Variants in UPK3B observed in about 807,000 individuals in gnomAD.
The protein encoded by UPK3B is uroplakin 3B.
UPK3B carries 21 observed loss-of-function variants against 27.6 expected under a neutral mutation model. The observed-to-expected ratio is 0.76, with a 90% CI of 0.54 to 1.10. The LOEUF is 1.10. Among genes scored for constraint, UPK3B ranks in the 50% least tolerant of loss-of-function variants. The pLI is 0.00. For synonymous variants in UPK3B, 141 were observed against 162.3 expected, an observed-to-expected ratio of 0.87 and a Z score of 1.00; for missense variants, 306 against 376.1, an observed-to-expected ratio of 0.81 and a Z score of 1.54.
Position 76,510,763 on chromosome 7 carries a change from G to A in UPK3B, c.85+26G>A, listed in dbSNP as rs190819560. On this transcript the variant is annotated intron_variant, in intron 1 of 5. Transcript: ENST00000334348. ...GTGAGTGGGGGTCCTGGATGGACGC[G>A]TCCAGCCAGACCCAAGGGGCTGGGG... 6.8e-4 allele frequency: 1,063 copies of A among 1,558,012 alleles called. 15 individuals carry two copies. In the East Asian group the frequency reaches 0.019, roughly 28 times the overall value.
intron 5 of UPK3B, among the ~76,000 whole-genome samples, chr7:76,514,731 C>G (rs1231796879): frequency 3.3e-5 from 5 of 152,002 alleles, no homozygotes; most frequent in Non-Finnish European, 7.4e-5. Context: ...CATGGTGAAA[C>G]CCCATCTCCA....
In UPK3B at chr7:76,515,563, G is replaced by A. The variant is rs758549941; in HGVS notation, c.*359G>A. Reference sequence around the variant, plus strand: ...CCCTGACCGCAAGCTTCCAGACCCTGGGAGGAGGCCTGCAGAGGACTGTGC... The same window carrying A: ...CCCTGACCGCAAGCTTCCAGACCCTAGGAGGAGGCCTGCAGAGGACTGTGC... On this transcript the variant is annotated 3_prime_UTR_variant, in exon 6 of 6. Transcript: ENST00000334348. 89 of 697,066 alleles carry A rather than the reference G, an allele frequency of 1.3e-4. 33 individuals are homozygous for A. Among genetic ancestry groups the A allele is most frequent in the Non-Finnish European group, 1.5e-4 (86 of 583,688 alleles). 43.2% of individuals were successfully genotyped at this position (697,066 alleles called of 1,614,324 possible). A position where few individuals can be genotyped will look rare whatever the true frequency, so the allele number is the denominator to read the frequency against.
rs114081792 is a variant in UPK3B, at chr7:76,515,253, T to C, written c.*49T>C. ...GGGGAGATGGGGCGCTGGGAGTGAG[T>C]GCATGGTGCTTTGTCCCAGCTCCTG... On this transcript the variant is annotated 3_prime_UTR_variant, in exon 6 of 6. Coordinates refer to ENST00000334348, the MANE Select transcript of UPK3B (RefSeq NM_001347684.2). The C allele has an allele frequency of 9.0e-4, 1,415 of 1,567,444 alleles. 17 individuals are homozygous for C. In the African/African-American group the frequency reaches 0.016, roughly 18 times the overall value.
chr7:76,515,343 G>T lies in UPK3B; in HGVS notation c.*139G>T. On this transcript the variant is annotated 3_prime_UTR_variant, in exon 6 of 6. Transcript: ENST00000334348. ...CACCAGCACACCCCGTACCCTGCCT[G>T]GAATCCCAGCACCAGCCCCCCTGCC... The T allele has an allele frequency of 6.7e-7, 1 of 1,500,898 alleles. No homozygotes were observed. The highest frequency in any genetic ancestry group is 8.9e-7 in the Non-Finnish European group (1 of 1,124,514). 93.0% of individuals were successfully genotyped at this position (1,500,898 alleles called of 1,614,324 possible).
intron 2 of UPK3B, among the ~76,000 whole-genome samples, chr7:76,511,350 C>T (rs1293464565): frequency 8.5e-5 from 13 of 152,228 alleles, no homozygotes; most frequent in African/African-American, 2.9e-4. Flanking sequence ...ACCGAGGCTG[C>T]GACCTGGGAG....
rs764421399 is a variant in UPK3B, at chr7:76,514,003, G to A, written c.598G>A (p.Val200Ile). The A allele has an allele frequency of 5.0e-6, 8 of 1,613,792 alleles. No homozygotes were observed. Among genetic ancestry groups the A allele is most frequent in the Admixed American group, 1.7e-5 (1 of 59,986 alleles). Residue 200 changes from valine to isoleucine, a missense_variant, in exon 5 of 6, where the codon GTC (valine) becomes ATC (isoleucine). Val to Ile is a conservative substitution (Grantham distance 29, BLOSUM62 3). Transcript: ENST00000334348. Reference sequence around the variant, plus strand: ...AGGGCGGCGAAGTGGCAGCATGATCGTCATTACCTCCATCCTCTCTTCTCT... The same window carrying A: ...AGGGCGGCGAAGTGGCAGCATGATCATCATTACCTCCATCCTCTCTTCTCT... The part of the protein sequence containing the change: ...WPGRRSGSMI[V>I]ITSILSSLAG...
chr7:76,512,854 T>C (rs1812581965), intron 3 of UPK3B, among the ~76,000 whole-genome samples: 2 of 151,882 alleles, frequency 1.3e-5, no homozygotes, highest in African/African-American at 2.4e-5. Context: ...GTCTGGTGTC[T>C]GGAGAGCAAT....
intron 5 of UPK3B, 133 bp from the exon 6 acceptor site, chr7:76,514,912 A>G (rs2004545): frequency 0.43 from 373,351 of 871,956 alleles, 33,716 homozygotes; most frequent in East Asian, 0.46. Flanking sequence ...TCTCAAAAAA[A>G]AAAAAAAAAA....
Position 76,515,359 on chromosome 7 carries a change from C to A in UPK3B, c.*155C>A. 1 of 1,485,364 alleles carries A rather than the reference C, an allele frequency of 6.7e-7. No individual in the cohort carries two copies. The highest frequency in any genetic ancestry group is 1.3e-5 in the South Asian group (1 of 76,360). The allele number at this position is 1,485,364 out of a possible 1,614,324, so 92.0% of individuals were successfully genotyped here. A position where few individuals can be genotyped will look rare whatever the true frequency, so the allele number is the denominator to read the frequency against. On this transcript the variant is annotated 3_prime_UTR_variant, in exon 6 of 6. Coordinates refer to ENST00000334348, the MANE Select transcript of UPK3B (RefSeq NM_001347684.2). The stretch of plus-strand genomic sequence containing the variant: ...ACCCTGCCTGGAATCCCAGCACCAG[C>A]CCCCCTGCCTCTCCTCTGCCTTTCT...
In UPK3B at chr7:76,510,674, C is replaced by T. The variant is rs767007506; in HGVS notation, c.22C>T (p.Pro8Ser). MGLPWGQPHLGLQMLLLA... is the reference protein window; with the variant it reads MGLPWGQSHLGLQMLLLA... ...TGTCATGGGGCTACCCTGGGGGCAG[C>T]CTCACCTAGGGCTGCAGATGCTCCT... The change falls in exon 1 of 6, where the codon CCT becomes TCT. Residue 8 changes from proline (P) to serine (S), a missense_variant. Coordinates refer to ENST00000334348, the MANE Select transcript of UPK3B (RefSeq NM_001347684.2). 1.5e-5 allele frequency: 22 copies of T among 1,492,088 alleles called. No individual in the cohort carries two copies. Among genetic ancestry groups the T allele is most frequent in the Non-Finnish European group, 1.8e-5 (20 of 1,117,686 alleles). 92.4% of individuals were successfully genotyped at this position (1,492,088 alleles called of 1,614,324 possible). A position where few individuals can be genotyped will look rare whatever the true frequency, so the allele number is the denominator to read the frequency against.
chr7:76,512,727 G>A (rs1243949416), intron 3 of UPK3B, among the ~76,000 whole-genome samples: 1 of 139,564 alleles, frequency 7.2e-6, no homozygotes, highest in Non-Finnish European at 1.6e-5. Context: ...GGCTACTGCT[G>A]CCCCTCTGGG....
chr7:76,514,870 C>T (rs966237517), intron 5 of UPK3B, among the ~76,000 whole-genome samples, 175 bp from the exon 6 acceptor site: 41 of 149,378 alleles, frequency 2.7e-4, no homozygotes, highest in African/African-American at 9.5e-4. Flanking sequence ...CACACCACCG[C>T]ACTCCAGCCT....
intron 3 of UPK3B, 110 bp downstream of exon 3, chr7:76,511,992 C>T: frequency 2.0e-6 from 1 of 499,008 alleles, no homozygotes; most frequent in Non-Finnish European, 3.4e-6. Context: ...GTCCCCGGCC[C>T]CGGTCCTCCC....
At position 76,515,114 on chromosome 7, in the gene UPK3B, C is replaced by T; in HGVS notation, c.741C>T (p.Tyr247=). Residue 247 remains tyrosine, a synonymous_variant, in exon 6 of 6, where the codon TAC becomes TAT. Coordinates refer to ENST00000334348, the MANE Select transcript of UPK3B (RefSeq NM_001347684.2). ...TCGGCTCCTTCATGGGCAAGCGCTA[C>T]ATGACCCACCACATCCCACCCAGAG... ...LRIGSFMGKR[Y]MTHHIPPREA... The T allele has an allele frequency of 1.2e-6, 2 of 1,601,728 alleles. No individual in the cohort carries two copies. The highest frequency in any genetic ancestry group is 1.3e-5 in the African/African-American group (1 of 74,918).
Position 76,515,655 on chromosome 7 carries a change from A to C in UPK3B, c.*451A>C. On this transcript the variant is annotated 3_prime_UTR_variant, in exon 6 of 6. Transcript: ENST00000334348. ...AGACCTGAGCCACCCTCCGTCCCCCATCCCACACATCAGTGGCTGGGCGGG... is the reference window on the plus strand; with the variant it reads ...AGACCTGAGCCACCCTCCGTCCCCCCTCCCACACATCAGTGGCTGGGCGGG... The C allele has an allele frequency of 1.6e-6, 1 of 621,280 alleles. No homozygotes were observed. The highest frequency in any genetic ancestry group is 1.5e-4 in the East Asian group (1 of 6,476). The allele number at this position is 621,280 out of a possible 1,614,324, so 38.5% of individuals were successfully genotyped here. A position where few individuals can be genotyped will look rare whatever the true frequency, so the allele number is the denominator to read the frequency against.
chr7:76,511,220 G>T (rs1460654957), intron 2 of UPK3B, among the ~76,000 whole-genome samples, 168 bp downstream of exon 2: 1 of 151,944 alleles, frequency 6.6e-6, no homozygotes, highest in Non-Finnish European at 1.5e-5. Context: ...TATGTGTATT[G>T]AAAAATACAC....
chr7:76,513,971 C>T lies in UPK3B; in HGVS notation c.566C>T (p.Thr189Ile), dbSNP rs193061481. Reference protein sequence around the residue: ...HQGKTPGSIDTWPGRRSGSMI... With the variant: ...HQGKTPGSIDIWPGRRSGSMI... ...GGGAAGACCCCCGGATCCATCGACA[C>T]CTGGCCAGGGCGGCGAAGTGGCAGC... is the stretch of plus-strand genomic sequence containing the variant. Residue 189 changes from threonine (T) to isoleucine (I), a missense_variant, in exon 5 of 6, where the codon ACC becomes ATC. Around this residue, in one of 4 missense-constraint regions of UPK3B, gnomAD observed 174 missense variants for 166.6 expected, o/e 1.04. Transcript: ENST00000334348. 2.5e-5 allele frequency: 41 copies of T among 1,613,918 alleles called. 1 individual carries two copies. Among genetic ancestry groups the T allele is most frequent in the Middle Eastern group, 1.6e-4 (1 of 6,062 alleles).
chr7:76,515,300 C>T lies in UPK3B; in HGVS notation c.*96C>T, dbSNP rs1182055730. ...CCTGCACCCACAGGCCCCCTCAGGG[C>T]TCCTTGCCTTTCCCCCCCACCAGCA... On this transcript the variant is annotated 3_prime_UTR_variant, in exon 6 of 6. Transcript: ENST00000334348. 2.6e-6 allele frequency: 4 copies of T among 1,529,854 alleles called. No homozygotes were observed. Among genetic ancestry groups the T allele is most frequent in the African/African-American group, 1.4e-5 (1 of 72,826 alleles). The allele number at this position is 1,529,854 out of a possible 1,614,324, so 94.8% of individuals were successfully genotyped here.
chr7:76,510,805 T>G, intron 1 of UPK3B, 68 bp downstream of exon 1: 3 of 1,603,352 alleles, frequency 1.9e-6, no homozygotes, highest in Non-Finnish European at 2.6e-6. Flanking sequence ...CTGGAGTGAT[T>G]GGACCCTGGG....
Sources: gnomAD v4.1 joint callset for allele counts (sites outside exome capture counted in the v4.1 genomes callset) on GRCh38, gnomAD v4.1.1 for gene constraint, gnomAD v4.1.1 regional missense constraint, MANE v1.5 for transcripts, NCBI Gene and HGNC (gene_info 2026-07-23, HGNC 2026-07-21) for gene names.